KCNT2: variants seen among roughly 807,000 people sequenced by gnomAD.
KCNT2 encodes potassium channel subfamily T member 2.
KCNT2 carries 67 observed loss-of-function variants against 153.8 expected under a neutral mutation model. The observed-to-expected ratio is 0.44, with a 90% confidence interval of 0.36 to 0.53. The LOEUF (loss-of-function observed/expected upper bound fraction) is 0.53, where lower values mean the gene tolerates loss of function less well. KCNT2 is among the 20% of genes least tolerant of loss of function. The pLI, the probability that KCNT2 is intolerant of heterozygous loss-of-function variation, is 0.00. For missense variants in KCNT2, 975 were observed against 1,354.8 expected, an observed-to-expected ratio of 0.72 and a Z score of 4.40; for synonymous variants, 500 against 458.8, an observed-to-expected ratio of 1.09 and a Z score of -1.15.
chr1:196,565,449 A>G (rs1659993385), intron 1 of KCNT2, among the ~76,000 whole-genome samples: 1 of 151,818 alleles, frequency 6.6e-6, no homozygotes, highest in Admixed American at 6.6e-5. Flanking sequence ...CATCCAAAGG[A>G]AAATAAAATA....
chr1:196,509,875 T>G (rs376554024), intron 1 of KCNT2, among the ~76,000 whole-genome samples: 3 of 152,288 alleles, frequency 2.0e-5, no homozygotes, highest in East Asian at 3.9e-4. Flanking sequence ...TAAATGTATT[T>G]ATTAAAAATG....
chr1:196,268,912 G>A (rs1252341289), intron 25 of KCNT2, among the ~76,000 whole-genome samples: 1 of 152,018 alleles, frequency 6.6e-6, no homozygotes, highest in South Asian at 2.1e-4. Context: ...TGCCTCTGTG[G>A]AGTGGTAAAA....
chr1:196,471,172 G>C (rs112348020), intron 5 of KCNT2, among the ~76,000 whole-genome samples: 8,783 of 151,944 alleles, frequency 0.058, 394 homozygotes, highest in Non-Finnish European at 0.085. Flanking sequence ...CTCCCAAAGT[G>C]CTGGGATTAC....
intron 12 of KCNT2, among the ~76,000 whole-genome samples, chr1:196,405,202 T>C (rs1671731414): frequency 6.6e-6 from 1 of 151,532 alleles, no homozygotes; most frequent in African/African-American, 2.4e-5. Flanking sequence ...GATTGATTTT[T>C]TAAAACTTTT....
At chr1:196,521,269 G>T (rs1286222020) in intron 1 of KCNT2, among the ~76,000 whole-genome samples, 1 of 152,126 alleles carries the variant, frequency 6.6e-6, no homozygotes, top group African/African-American at 2.4e-5. Context: ...AGTAAGAATG[G>T]CTATTATTTT....
chr1:196,528,680 C>A (rs1654563559), intron 1 of KCNT2, among the ~76,000 whole-genome samples: 1 of 152,098 alleles, frequency 6.6e-6, no homozygotes, highest in African/African-American at 2.4e-5. Flanking sequence ...TTCCTTCTTG[C>A]TGGCTTATGA....
Position 196,556,410 on chromosome 1 carries a change from T to C in KCNT2, c.95+51805A>G, listed in dbSNP as rs118153714. Among the ~76,000 whole-genome samples, 41 of 151,526 alleles carry C rather than the reference T, an allele frequency of 2.7e-4. No homozygotes were observed. In the East Asian group the frequency reaches 6.2e-3, roughly 23 times the overall value. ...GTATATGAGAAGGAACTCAACATCA[T>C]TGATCATCCGAAAAATGCAAATCAA... On this transcript the variant is annotated intron_variant, in intron 1 of 27. Transcript: ENST00000294725.
intron 12 of KCNT2, among the ~76,000 whole-genome samples, chr1:196,415,035 G>A (rs535869940): frequency 6.6e-6 from 1 of 151,986 alleles, no homozygotes; most frequent in African/African-American, 2.4e-5. Flanking sequence ...ATTGTAGCAG[G>A]ACTGTTTAAT....
intron 14 of KCNT2, among the ~76,000 whole-genome samples, chr1:196,359,030 C>T (rs1320554430): frequency 1.3e-5 from 2 of 151,962 alleles, no homozygotes; most frequent in Non-Finnish European, 2.9e-5. Flanking sequence ...AAATTATCTG[C>T]TAAGGTGGAC....
chr1:196,440,687 A>C (rs2148585831), intron 8 of KCNT2, among the ~76,000 whole-genome samples: 2 of 152,040 alleles, frequency 1.3e-5, no homozygotes, highest in South Asian at 4.2e-4. Flanking sequence ...TTAATAATGA[A>C]ACTGTCAGTT....
chr1:196,335,298 A>C (rs925373386), intron 16 of KCNT2, among the ~76,000 whole-genome samples: 2 of 152,114 alleles, frequency 1.3e-5, no homozygotes, highest in African/African-American at 4.8e-5. Flanking sequence ...TAGATATTCA[A>C]ACATCATACT....
At chr1:196,587,753 C>G (rs972987549) in intron 1 of KCNT2, among the ~76,000 whole-genome samples, 1 of 151,862 alleles carries the variant, frequency 6.6e-6, no homozygotes, top group East Asian at 1.9e-4. Context: ...GAGTATGTAA[C>G]CCAAACTCTT....
At chr1:196,288,772 G>A (rs1194604714) in intron 22 of KCNT2, among the ~76,000 whole-genome samples, 1 of 152,066 alleles carries the variant, frequency 6.6e-6, no homozygotes, top group Non-Finnish European at 1.5e-5. Flanking sequence ...AGAAAGTGTG[G>A]AGGAAGATCA....
At chr1:196,331,017 T>C (rs1664405448) in intron 18 of KCNT2, 139 bp downstream of exon 18, 1 of 585,544 alleles carries the variant, frequency 1.7e-6, no homozygotes, top group Non-Finnish European at 3.1e-6. Context: ...CCACTTTATA[T>C]AAATTTACAT....
intron 1 of KCNT2, among the ~76,000 whole-genome samples, chr1:196,601,525 T>A (rs1664721988): frequency 6.6e-6 from 1 of 152,238 alleles, no homozygotes. Flanking sequence ...ATTAAGGGTT[T>A]CTGCAGGCTA....
chr1:196,321,182 T>C (rs1663278048), intron 19 of KCNT2, among the ~76,000 whole-genome samples: 1 of 151,874 alleles, frequency 6.6e-6, no homozygotes, highest in Admixed American at 6.6e-5. Context: ...CTAGGTACTG[T>C]CCTGCTTCTT....
At chr1:196,600,368 G>C (rs570919370) in intron 1 of KCNT2, among the ~76,000 whole-genome samples, 2 of 152,340 alleles carry the variant, frequency 1.3e-5, no homozygotes, top group Non-Finnish European at 2.9e-5. Context: ...AAGCTGGAGA[G>C]ATGGAGGTGG....
chr1:196,572,692 A>C (rs1486648637), intron 1 of KCNT2, among the ~76,000 whole-genome samples: 2 of 152,052 alleles, frequency 1.3e-5, no homozygotes, highest in Non-Finnish European at 2.9e-5. Flanking sequence ...ACTATGATGC[A>C]TTTAGATAGT....
intron 27 of KCNT2, among the ~76,000 whole-genome samples, chr1:196,229,056 A>G (rs1653723530): frequency 6.6e-6 from 1 of 152,112 alleles, no homozygotes; most frequent in Admixed American, 6.6e-5. Flanking sequence ...CATTAATGTG[A>G]GAATTTGTTT....
Sources: gnomAD v4.1 joint callset for allele counts (sites outside exome capture counted in the v4.1 genomes callset) on GRCh38, gnomAD v4.1.1 for gene constraint, MANE v1.5 for transcripts, NCBI Gene and HGNC (gene_info 2026-07-23, HGNC 2026-07-21) for gene names.